Variants in MAP3K5 observed in about 807,000 individuals in gnomAD.
MAP3K5 encodes mitogen-activated protein kinase kinase kinase 5.
A neutral mutation model predicts 158.7 loss-of-function variants in MAP3K5; 56 were observed. The ratio of observed to expected loss-of-function variants is 0.35; its 90% CI spans 0.28 to 0.44. The LOEUF (loss-of-function observed/expected upper bound fraction) is 0.44, where lower values mean the gene tolerates loss of function less well. Among genes scored for constraint, MAP3K5 ranks in the 20% least tolerant of loss-of-function variants. The pLI is 1.00. For synonymous variants in MAP3K5, 579 were observed against 601.7 expected, an observed-to-expected ratio of 0.96 and a Z score of 0.55; for missense variants, 1,294 against 1,674.8, an observed-to-expected ratio of 0.77 and a Z score of 3.97.
At chr6:136,635,991 T>C (rs1777616074) in intron 14 of MAP3K5, among the ~76,000 whole-genome samples, 1 of 152,220 alleles carries the variant, frequency 6.6e-6, no homozygotes, top group Non-Finnish European at 1.5e-5. Context: ...ATTATCAAAG[T>C]GATCTAATAA....
chr6:136,663,773 C>A (rs1779109560), intron 8 of MAP3K5, among the ~76,000 whole-genome samples: 1 of 151,944 alleles, frequency 6.6e-6, no homozygotes, highest in African/African-American at 2.4e-5. Flanking sequence ...CCACGCCCGG[C>A]TAATTTTTGT....
At chr6:136,592,010 C>T (rs2129080856) in intron 23 of MAP3K5, among the ~76,000 whole-genome samples, 163 bp downstream of exon 23, 1 of 152,196 alleles carries the variant, frequency 6.6e-6, no homozygotes, top group Middle Eastern at 3.4e-3. Flanking sequence ...TAATATATTC[C>T]CTACCATAGG....
Position 136,611,366 on chromosome 6 carries a change from T to C in MAP3K5, c.2437A>G (p.Thr813Ala). The C allele has an allele frequency of 6.2e-7, 1 of 1,608,558 alleles. No individual in the cohort carries two copies. Among genetic ancestry groups the C allele is most frequent in the Non-Finnish European group, 8.5e-7 (1 of 1,175,148 alleles). Residue 813 changes from threonine (T) to alanine (A), a missense_variant, in exon 18 of 30, where the codon ACC becomes GCC. Transcript: ENST00000359015. ...DIKGDNVLIN[T>A]YSGVLKISDF... ...GAGATCTTGAGAACACCACTGTAGG[T>C]ATTAATCAACACATTGTCACCCTAG...
At chr6:136,665,992 C>T (rs544760993) in intron 8 of MAP3K5, among the ~76,000 whole-genome samples, 1 of 152,276 alleles carries the variant, frequency 6.6e-6, no homozygotes, top group Admixed American at 6.5e-5. Context: ...CTAAGTCTGA[C>T]TCTCACCCAT....
Position 136,557,820 on chromosome 6 carries a change from T to C in MAP3K5, c.4065-2A>G. ...CACAGTGTGCACAGCATCCCTCCCC[T>C]GTTTAAAGACACAAGAACATGGTGA... On this transcript the variant is annotated splice_acceptor_variant, in intron 29 of 29. Transcript: ENST00000359015. LOFTEE classifies it high-confidence loss of function. 1 of 1,604,722 alleles carries C rather than the reference T, an allele frequency of 6.2e-7. No homozygotes were observed. The highest frequency in any genetic ancestry group is 8.5e-7 in the Non-Finnish European group (1 of 1,171,396).
At chr6:136,755,471 C>T (rs1353405640) in intron 1 of MAP3K5, among the ~76,000 whole-genome samples, 1 of 152,096 alleles carries the variant, frequency 6.6e-6, no homozygotes, top group Non-Finnish European at 1.5e-5. Context: ...CTTTGGGAGG[C>T]CCAGGCAGGA....
intron 29 of MAP3K5, 36 bp from the exon 30 acceptor site, chr6:136,557,854 T>C (rs1356601768): frequency 1.4e-6 from 2 of 1,420,288 alleles, no homozygotes; most frequent in Non-Finnish European, 2.0e-6. Flanking sequence ...GAAACGAACA[T>C]TTCATTTGAA....
chr6:136,642,010 TAAAATAAATAAAATAAAATAA>T (rs1400476990), intron 12 of MAP3K5, among the ~76,000 whole-genome samples: 2 of 98,342 alleles, frequency 2.0e-5, no homozygotes, highest in African/African-American at 8.9e-5. Flanking sequence ...TAAAATAAAA[TAAAATAAATAAAATAAAATAA>T]AAATAAAATA....
At chr6:136,773,070 T>TA (rs1272758410) in intron 1 of MAP3K5, among the ~76,000 whole-genome samples, 4 of 152,242 alleles carry the variant, frequency 2.6e-5, no homozygotes, top group Non-Finnish European at 4.4e-5. Flanking sequence ...CAATTAAAAT[T>TA]AGCAAGAAAA....
chr6:136,702,909 T>G (rs1194820061), intron 3 of MAP3K5, among the ~76,000 whole-genome samples: 1 of 152,120 alleles, frequency 6.6e-6, no homozygotes, highest in Non-Finnish European at 1.5e-5. Flanking sequence ...TTGGCCAGAC[T>G]GGTCTCAAAC....
intron 1 of MAP3K5, among the ~76,000 whole-genome samples, chr6:136,759,279 G>C (rs1273189730): frequency 6.6e-6 from 1 of 151,728 alleles, no homozygotes; most frequent in African/African-American, 2.4e-5. Context: ...CCTGAACATA[G>C]GCTGAACAAT....
intron 21 of MAP3K5, among the ~76,000 whole-genome samples, chr6:136,594,172 T>C (rs1236550551): frequency 6.6e-6 from 1 of 152,164 alleles, no homozygotes; most frequent in Non-Finnish European, 1.5e-5. Flanking sequence ...GCAGGGGAAA[T>C]GCCTGGCATG....
chr6:136,767,077 T>G (rs962495597), intron 1 of MAP3K5, among the ~76,000 whole-genome samples: 2 of 152,196 alleles, frequency 1.3e-5, no homozygotes, highest in Non-Finnish European at 2.9e-5. Flanking sequence ...TATATTTGCA[T>G]AAGAAACTAA....
intron 10 of MAP3K5, among the ~76,000 whole-genome samples, chr6:136,653,337 A>G (rs1001642411): frequency 3.3e-5 from 5 of 152,244 alleles, no homozygotes; most frequent in Non-Finnish European, 5.9e-5. Context: ...AATGAGAATG[A>G]ATACAGTATT....
chr6:136,738,232 G>A (rs1215805464), intron 1 of MAP3K5, among the ~76,000 whole-genome samples: 1 of 152,060 alleles, frequency 6.6e-6, no homozygotes, highest in African/African-American at 2.4e-5. Flanking sequence ...TACCATGCCC[G>A]ACTAAATGCA....
chr6:136,669,209 T>C, intron 8 of MAP3K5, 74 bp downstream of exon 8: 1 of 940,538 alleles, frequency 1.1e-6, no homozygotes, highest in East Asian at 2.4e-5. Flanking sequence ...ATTTATCTAT[T>C]CATGATTCTT....
intron 1 of MAP3K5, among the ~76,000 whole-genome samples, chr6:136,722,897 G>A (rs192680096): frequency 7.9e-4 from 120 of 151,586 alleles, no homozygotes; most frequent in South Asian, 6.3e-3. Flanking sequence ...TATGCTGCAC[G>A]GGCTGGTCTC....
chr6:136,685,624 C>T (rs1239426519), intron 7 of MAP3K5, among the ~76,000 whole-genome samples: 2 of 152,176 alleles, frequency 1.3e-5, no homozygotes, highest in Non-Finnish European at 2.9e-5. Context: ...TATCCTTAAA[C>T]TTTCCATGAT....
intron 7 of MAP3K5, among the ~76,000 whole-genome samples, chr6:136,673,435 T>C (rs2114548527): frequency 6.6e-6 from 1 of 152,172 alleles, no homozygotes; most frequent in South Asian, 2.1e-4. Flanking sequence ...CTACAGATAA[T>C]TCGGATGCTG....
Sources: gnomAD v4.1 joint callset for allele counts (sites outside exome capture counted in the v4.1 genomes callset) on GRCh38, gnomAD v4.1.1 for gene constraint, MANE v1.5 for transcripts, NCBI Gene and HGNC (gene_info 2026-07-23, HGNC 2026-07-21) for gene names.